Variants in NRP2 observed in about 807,000 individuals in gnomAD.
NRP2 encodes the protein neuropilin-2.
A neutral mutation model predicts 110.4 loss-of-function variants in NRP2; 52 were observed. The observed-to-expected ratio is 0.47, with a 90% confidence interval of 0.38 to 0.59. NRP2 has a LOEUF of 0.59. NRP2 is among the 20% of genes least tolerant of loss of function. The pLI is 0.00. For missense variants in NRP2, 1,049 were observed against 1,203.0 expected (o/e 0.87, Z 1.89); for synonymous variants, 508 against 468.9 (o/e 1.08, Z -1.08).
At chr2:205,789,615 T>C (rs1327051662) in intron 15 of NRP2, among the ~76,000 whole-genome samples, 1 of 152,234 alleles carries the variant, frequency 6.6e-6, no homozygotes, top group South Asian at 2.1e-4. Flanking sequence ...CTGTGGCCTC[T>C]ACCCTCTGCC....
At position 205,740,632 on chromosome 2, in the gene NRP2, C is replaced by T. The variant is rs1002026251; in HGVS notation, c.1260C>T (p.Leu420=). 7 of 1,614,100 alleles carry T rather than the reference C, an allele frequency of 4.3e-6. No homozygotes were observed. Among genetic ancestry groups the T allele is most frequent in the Non-Finnish European group, 5.9e-6 (7 of 1,180,056 alleles). ...RPQTWHSGIA[L]RLELFGCRVT... ...AGACCTGGCACTCAGGTATCGCCCT[C>T]CGGCTGGAGCTCTTCGGCTGCCGGG... is the stretch of plus-strand genomic sequence containing the variant. The change falls in exon 8 of 17, where the codon CTC becomes CTT. Residue 420 remains leucine, a synonymous_variant. Transcript: ENST00000357785.
chr2:205,765,096 A>C (rs2105921789), intron 13 of NRP2, among the ~76,000 whole-genome samples: 1 of 152,258 alleles, frequency 6.6e-6, no homozygotes, highest in East Asian at 1.9e-4. Flanking sequence ...GTTTTCAAAT[A>C]CCTGGATTGG....
At chr2:205,708,102 A>G (rs1218204065) in intron 2 of NRP2, among the ~76,000 whole-genome samples, 1 of 152,338 alleles carries the variant, frequency 6.6e-6, no homozygotes. Context: ...GAAATTGTGG[A>G]CTACTCTTCC....
At chr2:205,744,515 A>C (rs1325908909) in intron 9 of NRP2, among the ~76,000 whole-genome samples, 1 of 152,182 alleles carries the variant, frequency 6.6e-6, no homozygotes, top group Non-Finnish European at 1.5e-5. Flanking sequence ...CTGCCACCAG[A>C]GTGAAGGTCA....
Position 205,727,928 on chromosome 2 carries a change from C to T in NRP2, c.1028C>T (p.Ala343Val), listed in dbSNP as rs111369832. ...LRFLTMLTAIATQGAISRETQ... is the reference protein window; with the variant it reads ...LRFLTMLTAIVTQGAISRETQ... ...TTTTTAACCATGCTCACGGCCATCG[C>T]AACACAGGGAGCGATTTCCAGGGAA... The change falls in exon 7 of 17, where the codon GCA becomes GTA. Residue 343 changes from alanine (A) to valine (V), a missense_variant. Coordinates refer to ENST00000357785, the MANE Select transcript of NRP2 (RefSeq NM_003872.3). The T allele has an allele frequency of 6.2e-7, 1 of 1,613,936 alleles. No individual in the cohort carries two copies. Among genetic ancestry groups the T allele is most frequent in the Admixed American group, 1.7e-5 (1 of 59,996 alleles).
chr2:205,735,806 AG>A (rs2057332058), intron 7 of NRP2, among the ~76,000 whole-genome samples: 1 of 152,188 alleles, frequency 6.6e-6, no homozygotes, highest in South Asian at 2.1e-4. Context: ...GAATTCAGAG[AG>A]GCACCCAATA....
At position 205,748,594 on chromosome 2, in the gene NRP2, G is replaced by T. The variant is rs547078886; in HGVS notation, c.1787-1131G>T. ...GCCGACCGTGAAAAAGCTATTCAGC[G>T]TATTTAGCAATTTCCTCCAGCTCCT... On this transcript the variant is annotated intron_variant, in intron 10 of 16. Transcript: ENST00000357785. 2.3e-4 allele frequency among the ~76,000 whole-genome samples: 35 copies of T among 152,334 alleles called. 1 individual carries two copies. The highest frequency in any genetic ancestry group is 5.1e-4 in the African/African-American group (21 of 41,580).
chr2:205,765,366 A>ACG (rs1255487856), intron 13 of NRP2, 108 bp from the exon 14 acceptor site: 1 of 871,062 alleles, frequency 1.1e-6, no homozygotes, highest in Admixed American at 1.7e-5. Flanking sequence ...ACACACACAC[A>ACG]CATACACACA....
rs2058271870 is a variant in NRP2, at chr2:205,789,317, G to C, written c.2426-2918G>C. Among the ~76,000 whole-genome samples, 7 of 152,146 alleles carry C rather than the reference G, an allele frequency of 4.6e-5. No individual in the cohort carries two copies. The South Asian group carries it at 1.5e-3, about 32-fold the overall frequency. Reference sequence around the variant, plus strand: ...ACATGGGGGCCTAGAAGGAAACAGGGTCATGGGAGCACAAAGGTTGAAAGC... The same window carrying C: ...ACATGGGGGCCTAGAAGGAAACAGGCTCATGGGAGCACAAAGGTTGAAAGC... On this transcript the variant is annotated intron_variant, in intron 15 of 16. Transcript: ENST00000357785.
intron 3 of NRP2, among the ~76,000 whole-genome samples, chr2:205,720,262 CTTTTTTTTTT>C (rs202203741): frequency 9.3e-5 from 12 of 129,164 alleles, no homozygotes; most frequent in Non-Finnish European, 8.3e-5. Context: ...TTTTTTCTTT[CTTTTTTTTTT>C]TTTTTTTTTT....
chr2:205,689,795 C>T (rs969466926), intron 1 of NRP2, among the ~76,000 whole-genome samples: 2 of 152,136 alleles, frequency 1.3e-5, no homozygotes, highest in Non-Finnish European at 2.9e-5. Context: ...GCAGGGAACA[C>T]CGTGTTTAAG....
At chr2:205,750,894 G>A (rs1575626975) in intron 11 of NRP2, among the ~76,000 whole-genome samples, 1 of 152,140 alleles carries the variant, frequency 6.6e-6, no homozygotes, top group Admixed American at 6.5e-5. Flanking sequence ...AAAGAAGAAT[G>A]GGAGGAAAGC....
chr2:205,732,632 G>T (rs914489008), intron 7 of NRP2, among the ~76,000 whole-genome samples: 2 of 152,172 alleles, frequency 1.3e-5, no homozygotes, highest in Admixed American at 6.5e-5. Context: ...GACCCACAAA[G>T]CTCTTCTTGA....
intron 11 of NRP2, 63 bp downstream of exon 11, chr2:205,749,904 G>A: frequency 7.7e-7 from 1 of 1,301,312 alleles, no homozygotes; most frequent in Non-Finnish European, 1.1e-6. Flanking sequence ...GCTGGCCTGT[G>A]GCTGGACAGG....
At chr2:205,736,059 G>C (rs949122899) in intron 7 of NRP2, among the ~76,000 whole-genome samples, 2 of 152,152 alleles carry the variant, frequency 1.3e-5, no homozygotes, top group African/African-American at 4.8e-5. Flanking sequence ...AATAAAAAGT[G>C]GGCCAGGCAT....
chr2:205,728,409 A>G (rs183243373), intron 7 of NRP2, among the ~76,000 whole-genome samples: 8 of 152,318 alleles, frequency 5.3e-5, no homozygotes, highest in Admixed American at 3.3e-4. Context: ...AACAATCACA[A>G]AACCACATGA....
intron 2 of NRP2, among the ~76,000 whole-genome samples, chr2:205,705,917 C>A (rs1479390135): frequency 6.6e-6 from 1 of 152,030 alleles, no homozygotes; most frequent in African/African-American, 2.4e-5. Flanking sequence ...TATTCCTTTT[C>A]TTTGCCTCTT....
rs77317241 is a variant in NRP2, at chr2:205,688,691, A to T, written c.73+5328A>T. ...TAACCACTGGGAACATTGCCAAATT[A>T]TGTGACCTTTGGCAGACCAGCTGTG... On this transcript the variant is annotated intron_variant, in intron 1 of 16. Transcript: ENST00000357785. 4.2e-3 allele frequency among the ~76,000 whole-genome samples: 637 copies of T among 152,300 alleles called. 3 individuals are homozygous for T. The highest frequency in any genetic ancestry group is 0.015 in the African/African-American group (609 of 41,560).
At chr2:205,695,188 C>A (rs2056397604) in intron 1 of NRP2, among the ~76,000 whole-genome samples, 1 of 152,092 alleles carries the variant, frequency 6.6e-6, no homozygotes, top group Non-Finnish European at 1.5e-5. Context: ...CTGATTTTCT[C>A]CAGGTAAAGA....
Sources: allele counts gnomAD v4.1 joint callset (sites outside exome capture counted in the v4.1 genomes callset), GRCh38; gene constraint gnomAD v4.1.1; transcripts MANE v1.5; gene names NCBI Gene and HGNC (gene_info 2026-07-23, HGNC 2026-07-21).